ZCWPW1: variants seen among roughly 807,000 people sequenced by gnomAD.
ZCWPW1 encodes the protein zinc finger CW-type and PWWP domain containing 1, also known as zinc finger CW-type PWWP domain protein 1.
ZCWPW1 carries 56 observed loss-of-function variants against 81.3 expected under a neutral mutation model. The observed-to-expected ratio is 0.69, with a 90% CI of 0.56 to 0.86. ZCWPW1 has a LOEUF of 0.86. ZCWPW1 is among the 40% of genes least tolerant of loss of function. The pLI, the probability that ZCWPW1 is intolerant of heterozygous loss-of-function variation, is 0.00. For synonymous variants in ZCWPW1, 250 were observed against 273.7 expected (o/e 0.91, Z 0.86); for missense variants, 650 against 769.8 (o/e 0.84, Z 1.84).
chr7:100,416,931 G>C (rs528509132), intron 6 of ZCWPW1, 135 bp downstream of exon 6: 1 of 754,192 alleles, frequency 1.3e-6, no homozygotes, highest in Admixed American at 2.4e-5. Context: ...GGGCGACAGA[G>C]CGAGACTCCG....
In ZCWPW1 at chr7:100,419,193, C is replaced by T. The variant is rs542790687; in HGVS notation, c.283-4G>A. Reference sequence around the variant, plus strand: ...CATTGGTAAGACTTGATTTTTCCTGCAGAGACAAGGGTAGGGGAGGAAAAC... The same window carrying T: ...CATTGGTAAGACTTGATTTTTCCTGTAGAGACAAGGGTAGGGGAGGAAAAC... On this transcript the variant is annotated splice_polypyrimidine_tract_variant and splice_region_variant and intron_variant, in intron 4 of 17. Coordinates refer to ENST00000684423, the MANE Select transcript of ZCWPW1 (RefSeq NM_001386010.1). The T allele has an allele frequency of 6.2e-7, 1 of 1,612,360 alleles. No individual in the cohort carries two copies. The highest frequency in any genetic ancestry group is 1.1e-5 in the South Asian group (1 of 90,818).
rs540245006 is a variant in ZCWPW1 at position 100,417,645 on chromosome 7, G to T, written c.362-462C>A. ...AGGCAGGAGAATTTCTTGAACCTGG[G>T]AGGCGGAAGTTGCAGTGAGCCAAGA... On this transcript the variant is annotated intron_variant, in intron 5 of 17. Coordinates refer to ENST00000684423, the MANE Select transcript of ZCWPW1 (RefSeq NM_001386010.1). 5.6e-4 allele frequency among the ~76,000 whole-genome samples: 85 copies of T among 151,934 alleles called. No homozygotes were observed. In the Middle Eastern group the frequency reaches 0.017, roughly 30 times the overall value.
At chr7:100,412,125 T>C (rs1285004664) in intron 8 of ZCWPW1, among the ~76,000 whole-genome samples, 1 of 152,152 alleles carries the variant, frequency 6.6e-6, no homozygotes, top group Non-Finnish European at 1.5e-5. Flanking sequence ...AATCTCTAAA[T>C]GTCAGGGGTC....
intron 3 of ZCWPW1, 121 bp downstream of exon 3, chr7:100,420,501 G>A: frequency 9.0e-7 from 1 of 1,115,090 alleles, no homozygotes; most frequent in Non-Finnish European, 1.3e-6. Context: ...TAGCAGAGCA[G>A]TAATTTGACC....
chr7:100,417,918 T>C (rs994551040), intron 5 of ZCWPW1, among the ~76,000 whole-genome samples: 6 of 151,906 alleles, frequency 3.9e-5, no homozygotes, highest in Non-Finnish European at 8.8e-5. Flanking sequence ...AGAGTCTTGC[T>C]CTGTCGCCCA....
At position 100,417,085 on chromosome 7, in the gene ZCWPW1, C is replaced by T; in HGVS notation, c.460G>A (p.Asp154Asn). The change falls in exon 6 of 18, where the codon GAT (aspartate) becomes AAT (asparagine). Residue 154 changes from aspartate to asparagine, a missense_variant. Asp to Asn is a conservative substitution (Grantham distance 23). Transcript: ENST00000684423. Reference sequence around the variant, plus strand: ...ACTTACCCATTAGCATTATCAGTATCAGTAGCAGAAGCAGTAATTCCTGGC... The same window carrying T: ...ACTTACCCATTAGCATTATCAGTATTAGTAGCAGAAGCAGTAATTCCTGGC... Reference protein sequence around the residue: ...KEPGITASATDTDNANGEEVP... With the variant: ...KEPGITASATNTDNANGEEVP... 1 of 1,613,906 alleles carries T rather than the reference C, an allele frequency of 6.2e-7. No individual in the cohort carries two copies. Among genetic ancestry groups the T allele is most frequent in the Non-Finnish European group, 8.5e-7 (1 of 1,179,868 alleles).
chr7:100,406,831 T>A (rs1793110666), intron 11 of ZCWPW1, 33 bp from the exon 12 acceptor site: 1 of 1,581,104 alleles, frequency 6.3e-7, no homozygotes, highest in Admixed American at 1.7e-5. Flanking sequence ...TACGGACTCC[T>A]GTCCTGCTCC....
At position 100,403,759 on chromosome 7, in the gene ZCWPW1, G is replaced by C; in HGVS notation, c.1348C>G (p.Pro450Ala). Residue 450 changes from proline to alanine, a missense_variant, in exon 15 of 18, where the codon CCA (proline) becomes GCA (alanine). Transcript: ENST00000684423. ...KDLQLSGLNS[P>A]GSCLEKKEKE... ...TCCTTTTTCTCTAAGCAGGATCCTG[G>C]GCTGTTCAAACCAGAGAGCTGTAAG... is the stretch of plus-strand genomic sequence containing the variant. 1 of 1,613,890 alleles carries C rather than the reference G, an allele frequency of 6.2e-7. No homozygotes were observed.
intron 2 of ZCWPW1, among the ~76,000 whole-genome samples, chr7:100,424,608 C>G (rs1007686494): frequency 6.6e-6 from 1 of 151,732 alleles, no homozygotes; most frequent in African/African-American, 2.4e-5. Context: ...ATTACAGGAG[C>G]GCACCACCAC....
At chr7:100,402,079 G>T in intron 16 of ZCWPW1, 38 bp from the exon 17 acceptor site, 2 of 1,574,408 alleles carry the variant, frequency 1.3e-6, no homozygotes, top group South Asian at 1.2e-5. Flanking sequence ...CTCTCTAAAC[G>T]ACAACTCGGC....
At chr7:100,420,717 A>G in intron 2 of ZCWPW1, 39 bp from the exon 3 acceptor site, 1 of 1,590,776 alleles carries the variant, frequency 6.3e-7, no homozygotes, top group East Asian at 2.2e-5. Context: ...GACTCTGATT[A>G]AACAAGATTT....
intron 2 of ZCWPW1, among the ~76,000 whole-genome samples, chr7:100,424,113 A>G (rs1254988933): frequency 6.6e-6 from 1 of 152,110 alleles, no homozygotes; most frequent in Non-Finnish European, 1.5e-5. Context: ...AGCCTGTAAA[A>G]AGAATATTAA....
At chr7:100,420,457 G>GT (rs1796143969) in intron 3 of ZCWPW1, among the ~76,000 whole-genome samples, 165 bp downstream of exon 3, 2 of 152,150 alleles carry the variant, frequency 1.3e-5, no homozygotes, top group Non-Finnish European at 2.9e-5. Flanking sequence ...GAGCAGGACT[G>GT]TTTTTAAGTC....
At chr7:100,420,471 T>A (rs1191544719) in intron 3 of ZCWPW1, 151 bp downstream of exon 3, 1 of 844,776 alleles carries the variant, frequency 1.2e-6, no homozygotes, top group East Asian at 2.6e-5. Flanking sequence ...TTAAGTCATA[T>A]TTATTTCACT....
chr7:100,416,567 A>G, intron 6 of ZCWPW1, 111 bp from the exon 7 acceptor site: 5 of 1,146,372 alleles, frequency 4.4e-6, no homozygotes, highest in Middle Eastern at 2.9e-4. Context: ...GCTCTCTAAG[A>G]CCTCCTGAGG....
chr7:100,418,388 C>T (rs572277862), intron 5 of ZCWPW1, among the ~76,000 whole-genome samples: 2 of 152,278 alleles, frequency 1.3e-5, no homozygotes, highest in Non-Finnish European at 1.5e-5. Context: ...CTGTAGCTCA[C>T]GTCTACAATC....
At chr7:100,419,608 A>G (rs761811941) in intron 4 of ZCWPW1, 22 bp downstream of exon 4, 8 of 1,593,092 alleles carry the variant, frequency 5.0e-6, no homozygotes, top group Non-Finnish European at 6.8e-6. Context: ...CTCCTACCAG[A>G]GCCCACCACT....
intron 15 of ZCWPW1, 75 bp from the exon 16 acceptor site, chr7:100,402,651 C>A (rs35111986): frequency 0.18 from 253,713 of 1,446,484 alleles, 24,127 homozygotes; most frequent in Middle Eastern, 0.21. Flanking sequence ...AAGGATGCTA[C>A]AGAATGACAG....
chr7:100,406,607 C>T (rs1159311402), intron 12 of ZCWPW1, 87 bp downstream of exon 12: 23 of 1,261,530 alleles, frequency 1.8e-5, no homozygotes, highest in Non-Finnish European at 2.4e-5. Context: ...TTTCTCCCGA[C>T]ATGGCTTACC....
Sources: allele counts gnomAD v4.1 joint callset (sites outside exome capture counted in the v4.1 genomes callset), GRCh38; gene constraint gnomAD v4.1.1; transcripts MANE v1.5; gene names NCBI Gene and HGNC (gene_info 2026-07-23, HGNC 2026-07-21).